Variants in SPIDR observed in about 807,000 individuals in gnomAD.
SPIDR encodes scaffold protein involved in DNA repair.
Under a neutral mutation model 104.6 loss-of-function variants are expected in SPIDR, and 93 were observed. The observed-to-expected ratio is 0.89, with a 90% CI of 0.75 to 1.06. SPIDR has a LOEUF of 1.06. Among genes scored for constraint, SPIDR ranks in the 50% least tolerant of loss-of-function variants. The pLI, the probability that SPIDR is intolerant of heterozygous loss-of-function variation, is 0.00. For missense variants in SPIDR, 1,154 were observed against 1,111.2 expected (o/e 1.04, Z -0.55); for synonymous variants, 431 against 416.9 (o/e 1.03, Z -0.41).
intron 5 of SPIDR, among the ~76,000 whole-genome samples, chr8:47,358,579 A>G (rs1245731928): frequency 1.3e-5 from 2 of 152,188 alleles, no homozygotes; most frequent in Admixed American, 6.5e-5. Flanking sequence ...AGATCTCTCT[A>G]CAGCTTTCCC....
intron 8 of SPIDR, among the ~76,000 whole-genome samples, chr8:47,454,655 T>C (rs561205899): frequency 1.3e-5 from 2 of 152,108 alleles, no homozygotes; most frequent in South Asian, 4.2e-4. Flanking sequence ...ATAAAAGACC[T>C]GAAAGAAACT....
intron 14 of SPIDR, among the ~76,000 whole-genome samples, chr8:47,706,036 C>CG (rs1251868932): frequency 6.6e-6 from 1 of 152,116 alleles, no homozygotes; most frequent in Non-Finnish European, 1.5e-5. Context: ...AAGAAATACA[C>CG]GGGGGGTCTG....
intron 10 of SPIDR, among the ~76,000 whole-genome samples, chr8:47,617,094 A>G (rs2064429872): frequency 6.6e-6 from 1 of 152,228 alleles, no homozygotes. Flanking sequence ...CCTACATAAA[A>G]TTCCATTTTC....
At chr8:47,483,138 GTTTGTTTTGT>G (rs150219948) in intron 8 of SPIDR, among the ~76,000 whole-genome samples, 22,130 of 150,934 alleles carry the variant, frequency 0.15, 2,224 homozygotes, top group South Asian at 0.34. Flanking sequence ...GTTTTTTTTT[GTTTGTTTTGT>G]TTTGTTTTGT....
At chr8:47,540,399 C>T (rs1369904520) in intron 8 of SPIDR, among the ~76,000 whole-genome samples, 1 of 152,136 alleles carries the variant, frequency 6.6e-6, no homozygotes, top group Non-Finnish European at 1.5e-5. Context: ...AAAAGTATCC[C>T]TGTTACTACA....
chr8:47,555,583 A>G (rs1243565602), intron 8 of SPIDR, among the ~76,000 whole-genome samples: 20 of 152,124 alleles, frequency 1.3e-4, no homozygotes, highest in Admixed American at 1.3e-3. Flanking sequence ...GTGTAATGGA[A>G]CTCATGTTCC....
chr8:47,424,767 G>T (rs190094563), intron 7 of SPIDR, among the ~76,000 whole-genome samples: 1 of 152,318 alleles, frequency 6.6e-6, no homozygotes, highest in South Asian at 2.1e-4. Flanking sequence ...GAAAGGTCTT[G>T]CTCTGTTGTG....
Position 47,279,873 on chromosome 8 carries a change from T to G in SPIDR, c.45T>G (p.Ser15Arg). The change falls in exon 2 of 20, where the codon AGT becomes AGG. Residue 15 changes from serine to arginine, a missense_variant. By Grantham distance (110) the Ser-to-Arg change is moderately radical. Transcript: ENST00000297423. ...AATCATCTCCACAGAGAAAAAGGAGTTGGAATACAGAATGCCCATCCTTTC... is the reference window on the plus strand; with the variant it reads ...AATCATCTCCACAGAGAAAAAGGAGGTGGAATACAGAATGCCCATCCTTTC... The part of the protein sequence containing the change: ...SRARGSKRKR[S>R]WNTECPSFPG... 1 of 1,610,268 alleles carries G rather than the reference T, an allele frequency of 6.2e-7. No homozygotes were observed. Among genetic ancestry groups the G allele is most frequent in the Non-Finnish European group, 8.5e-7 (1 of 1,178,310 alleles).
chr8:47,438,253 G>C (rs2068730316), intron 7 of SPIDR, among the ~76,000 whole-genome samples: 1 of 152,212 alleles, frequency 6.6e-6, no homozygotes, highest in East Asian at 1.9e-4. Flanking sequence ...CTGTCAGTGG[G>C]AGACAGGGGA....
intron 6 of SPIDR, among the ~76,000 whole-genome samples, chr8:47,402,796 A>C (rs989257173): frequency 2.6e-5 from 4 of 152,190 alleles, no homozygotes; most frequent in Non-Finnish European, 2.9e-5. Context: ...TGGTACCATT[A>C]CTTCTGAAAC....
intron 5 of SPIDR, among the ~76,000 whole-genome samples, chr8:47,306,542 G>T (rs1465190677): frequency 6.6e-6 from 1 of 152,140 alleles, no homozygotes; most frequent in Non-Finnish European, 1.5e-5. Flanking sequence ...CCTGGAAAAT[G>T]TTCTATATTC....
intron 2 of SPIDR, among the ~76,000 whole-genome samples, chr8:47,280,782 C>T (rs2037614046): frequency 6.6e-6 from 1 of 152,070 alleles, no homozygotes; most frequent in Admixed American, 6.6e-5. Context: ...AAGTGATCCT[C>T]CCACCTCCGC....
intron 5 of SPIDR, among the ~76,000 whole-genome samples, chr8:47,347,910 G>A (rs528223311): frequency 2.0e-4 from 30 of 152,170 alleles, no homozygotes; most frequent in African/African-American, 5.8e-4. Context: ...CAATTTGCTC[G>A]TCTGTGTCTT....
chr8:47,661,018 A>C (rs1249694468), intron 10 of SPIDR: 1 of 971,946 alleles, frequency 1.0e-6, no homozygotes, highest in African/African-American at 1.8e-5. Context: ...CCAAACTCCT[A>C]GTGTCCGTGT....
At chr8:47,548,412 C>G (rs921792295) in intron 8 of SPIDR, among the ~76,000 whole-genome samples, 1 of 152,198 alleles carries the variant, frequency 6.6e-6, no homozygotes, top group Non-Finnish European at 1.5e-5. Flanking sequence ...CTTTGGGAGG[C>G]CGAGGCTGGT....
At chr8:47,722,198 G>T (rs1038102261) in intron 16 of SPIDR, among the ~76,000 whole-genome samples, 2 of 152,062 alleles carry the variant, frequency 1.3e-5, no homozygotes, top group Non-Finnish European at 2.9e-5. Context: ...AGTTTCATAG[G>T]AAAACAATTA....
At chr8:47,645,691 A>G (rs1236369149) in intron 10 of SPIDR, among the ~76,000 whole-genome samples, 1 of 152,206 alleles carries the variant, frequency 6.6e-6, no homozygotes, top group African/African-American at 2.4e-5. Context: ...AAACCAGTGG[A>G]ATAGAGAGTC....
At chr8:47,678,651 G>A (rs1328867748) in intron 11 of SPIDR, among the ~76,000 whole-genome samples, 1 of 152,162 alleles carries the variant, frequency 6.6e-6, no homozygotes, top group Non-Finnish European at 1.5e-5. Flanking sequence ...GAACAGGAAA[G>A]GCATGGGCTA....
At chr8:47,458,637 C>G (rs1352714427) in intron 8 of SPIDR, among the ~76,000 whole-genome samples, 1 of 151,894 alleles carries the variant, frequency 6.6e-6, no homozygotes, top group East Asian at 1.9e-4. Flanking sequence ...ACTTCTTTCT[C>G]TTGTCTGATG....
Sources: allele counts gnomAD v4.1 joint callset (sites outside exome capture counted in the v4.1 genomes callset), GRCh38; gene constraint gnomAD v4.1.1; transcripts MANE v1.5; gene names NCBI Gene and HGNC (gene_info 2026-07-23, HGNC 2026-07-21).